TEKT5: variants seen among roughly 807,000 people sequenced by gnomAD.
TEKT5 encodes the protein tektin 5.
In TEKT5, 52 loss-of-function variants were observed where a neutral mutation model predicts 48.7. That is an observed-to-expected ratio of 1.07 (90% CI 0.86 to 1.35). The LOEUF (loss-of-function observed/expected upper bound fraction) is 1.35. Among genes scored for constraint, TEKT5 ranks in the 40% most tolerant of loss-of-function variants. The probability of loss-of-function intolerance (pLI) is 0.00; values close to 1 mark genes in which losing one functional copy is unlikely to be tolerated. For missense variants in TEKT5, 831 were observed against 641.6 expected (o/e 1.30, Z -3.19); for synonymous variants, 318 against 267.6 (o/e 1.19, Z -1.84).
intron 6 of TEKT5, among the ~76,000 whole-genome samples, chr16:10,628,454 G>A (rs1043280437): frequency 3.9e-5 from 6 of 152,174 alleles, no homozygotes; most frequent in Admixed American, 3.9e-4. Context: ...CAGAAAACAG[G>A]CGTTCAAACC....
intron 5 of TEKT5, among the ~76,000 whole-genome samples, chr16:10,663,580 C>T (rs1448676757): frequency 2.0e-5 from 3 of 152,252 alleles, no homozygotes; most frequent in African/African-American, 7.2e-5. Context: ...AGGAGAGGAG[C>T]GCTCCGGAGG....
At chr16:10,643,276 G>A (rs1246656071) in intron 5 of TEKT5, among the ~76,000 whole-genome samples, 1 of 152,026 alleles carries the variant, frequency 6.6e-6, no homozygotes, top group African/African-American at 2.4e-5. Context: ...CTAGTCAGAA[G>A]GCTGAGGTGA....
intron 3 of TEKT5, among the ~76,000 whole-genome samples, chr16:10,688,373 A>C (rs1220893560): frequency 6.6e-6 from 1 of 152,162 alleles, no homozygotes; most frequent in Non-Finnish European, 1.5e-5. Flanking sequence ...CTAGAGGAGG[A>C]GGTGGGTTCT....
intron 5 of TEKT5, among the ~76,000 whole-genome samples, chr16:10,652,710 CA>C: frequency 9.6e-6 from 1 of 104,174 alleles, no homozygotes; most frequent in Non-Finnish European, 1.9e-5. Context: ...CACACACACA[CA>C]CACACACACA....
intron 5 of TEKT5, among the ~76,000 whole-genome samples, chr16:10,668,779 G>C (rs941844557): frequency 2.6e-5 from 4 of 152,140 alleles, no homozygotes; most frequent in Non-Finnish European, 4.4e-5. Context: ...TCCTATGCCT[G>C]GATGTTTTGT....
chr16:10,660,695 GTGTGTGTGTTAT>G (rs1399980677), intron 5 of TEKT5, among the ~76,000 whole-genome samples: 1 of 95,040 alleles, frequency 1.1e-5, no homozygotes, highest in Non-Finnish European at 2.5e-5. Context: ...GTGTGTGTGT[GTGTGTGTGTTAT>G]TTATTTATTT....
intron 5 of TEKT5, among the ~76,000 whole-genome samples, chr16:10,653,962 T>C (rs557629921): frequency 6.6e-6 from 1 of 151,902 alleles, no homozygotes; most frequent in African/African-American, 2.4e-5. Context: ...GCCCACAAGG[T>C]TACTGGGGGA....
At chr16:10,660,115 A>G (rs1898337150) in intron 5 of TEKT5, among the ~76,000 whole-genome samples, 3 of 152,208 alleles carry the variant, frequency 2.0e-5, no homozygotes, top group Admixed American at 2.0e-4. Context: ...ATGAGGTCAC[A>G]GCTGGAGAGA....
At chr16:10,629,402 C>T (rs187932280) in intron 6 of TEKT5, among the ~76,000 whole-genome samples, 43 of 152,118 alleles carry the variant, frequency 2.8e-4, no homozygotes, top group African/African-American at 9.2e-4. Context: ...AGGCACGTGC[C>T]GCCACACCCA....
chr16:10,674,098 C>G (rs1806803634), intron 5 of TEKT5, among the ~76,000 whole-genome samples: 1 of 152,158 alleles, frequency 6.6e-6, no homozygotes, highest in South Asian at 2.1e-4. Flanking sequence ...AAACCCTTCA[C>G]CAGGCCTACC....
In TEKT5 at chr16:10,633,033, C is replaced by A. The variant is rs138050940; in HGVS notation, c.1241+2731G>T. Among the ~76,000 whole-genome samples the A allele has an allele frequency of 8.0e-4, 122 of 152,292 alleles. No individual in the cohort carries two copies. The East Asian group carries it at 0.023, about 29-fold the overall frequency. ...AGCTTGCCCCAAAGCAGTAGGTCCT[C>A]CAGGCAACTCCCCCAGAAGCCCTGT... On this transcript the variant is annotated intron_variant, in intron 6 of 6. Coordinates refer to ENST00000283025, the MANE Select transcript of TEKT5 (RefSeq NM_144674.2).
At chr16:10,684,275 T>TTCTC (rs969303458) in intron 3 of TEKT5, among the ~76,000 whole-genome samples, 5 of 152,044 alleles carry the variant, frequency 3.3e-5, no homozygotes, top group African/African-American at 1.2e-4. Context: ...CTCTCTGCCT[T>TTCTC]TCTCTCTCCC....
chr16:10,654,931 C>A (rs1213912279), intron 5 of TEKT5, among the ~76,000 whole-genome samples: 2 of 57,132 alleles, frequency 3.5e-5, no homozygotes, highest in Non-Finnish European at 8.4e-5. Context: ...GTCTCCCCCC[C>A]CTCCCCTCCC....
chr16:10,642,429 T>C (rs985635073), intron 5 of TEKT5, among the ~76,000 whole-genome samples: 8 of 152,106 alleles, frequency 5.3e-5, no homozygotes, highest in Non-Finnish European at 1.0e-4. Flanking sequence ...TCATTAGCCA[T>C]TCCTAAGCCT....
intron 5 of TEKT5, among the ~76,000 whole-genome samples, chr16:10,660,695 G>A (rs1596409594): frequency 1.1e-5 from 1 of 95,040 alleles, no homozygotes; most frequent in Non-Finnish European, 2.5e-5. Flanking sequence ...GTGTGTGTGT[G>A]TGTGTGTGTT....
rs141040659 is a variant in TEKT5 at position 10,679,812 on chromosome 16, G to A, written c.863+2181C>T. Among the ~76,000 whole-genome samples the A allele has an allele frequency of 8.5e-3, 1,301 of 152,182 alleles. 16 individuals carry two copies. The highest frequency in any genetic ancestry group is 0.029 in the African/African-American group (1,218 of 41,520). On this transcript the variant is annotated intron_variant, in intron 4 of 6. Transcript: ENST00000283025. Reference sequence around the variant, plus strand: ...CTCAGGAGGCTGAGGCAGGAGCATCGCTTGAACCCAGGAGATGGAGGCTGT... The same window carrying A: ...CTCAGGAGGCTGAGGCAGGAGCATCACTTGAACCCAGGAGATGGAGGCTGT...
Position 10,677,021 on chromosome 16 carries a change from TA to T in TEKT5, c.864-841del, listed in dbSNP as rs1336837444. On this transcript the variant is annotated intron_variant, in intron 4 of 6. Coordinates refer to ENST00000283025, the MANE Select transcript of TEKT5 (RefSeq NM_144674.2). ...CAATGTGGTGAAACCCACATCTCTA[TA>T]AAAAATGTCAAAAAAAAAAGTACCT... 2.0e-4 allele frequency among the ~76,000 whole-genome samples: 30 copies of T among 152,056 alleles called. No homozygotes were observed. The East Asian group carries it at 5.8e-3, about 30-fold the overall frequency.
At chr16:10,664,635 T>C (rs1245429455) in intron 5 of TEKT5, among the ~76,000 whole-genome samples, 1 of 152,226 alleles carries the variant, frequency 6.6e-6, no homozygotes. Context: ...GCAATTCCAA[T>C]GTGGCACTAA....
At chr16:10,675,499 A>C (rs1218399173) in intron 5 of TEKT5, among the ~76,000 whole-genome samples, 1 of 152,066 alleles carries the variant, frequency 6.6e-6, no homozygotes, top group Admixed American at 6.5e-5. Flanking sequence ...CAGATCCAAA[A>C]AGCACCCCAC....
Sources: allele counts gnomAD v4.1 joint callset (sites outside exome capture counted in the v4.1 genomes callset), GRCh38; gene constraint gnomAD v4.1.1; transcripts MANE v1.5; gene names NCBI Gene and HGNC (gene_info 2026-07-23, HGNC 2026-07-21).